DLG2: variants seen among roughly 807,000 people sequenced by gnomAD.
The protein encoded by DLG2 is disks large homolog 2.
In DLG2, 45 loss-of-function variants were observed where a neutral mutation model predicts 132.5. The ratio of observed to expected loss-of-function variants is 0.34; its 90% confidence interval spans 0.27 to 0.44. DLG2 has a LOEUF of 0.44. Among genes scored for constraint, DLG2 ranks in the 20% least tolerant of loss-of-function variants. DLG2 has a pLI of 1.00. For missense variants in DLG2, 1,045 were observed against 1,196.9 expected (o/e 0.87, Z 1.87); for synonymous variants, 424 against 419.6 (o/e 1.01, Z -0.13).
chr11:83,662,378 C>T (rs965039238), intron 18 of DLG2, among the ~76,000 whole-genome samples: 8 of 152,170 alleles, frequency 5.3e-5, no homozygotes, highest in African/African-American at 1.9e-4. Context: ...CCCAAAGACA[C>T]GACCCCCAGC....
At chr11:83,668,690 TATGTGTATATAA>T (rs2076174932) in intron 18 of DLG2, among the ~76,000 whole-genome samples, 1 of 16,590 alleles carries the variant, frequency 6.0e-5, no homozygotes, top group Non-Finnish European at 1.1e-4. Context: ...TGTGTATATA[TATGTGTATATAA>T]ACACATATAT....
At chr11:85,489,418 A>G (rs949848823) in intron 3 of DLG2, among the ~76,000 whole-genome samples, 3 of 152,172 alleles carry the variant, frequency 2.0e-5, no homozygotes, top group African/African-American at 7.2e-5. Flanking sequence ...GAAAACAAAT[A>G]TTATTAGACC....
In DLG2 at chr11:85,160,840, ATAC is replaced by A. The variant is rs1453332704; in HGVS notation, c.187-6192_187-6190del. On this transcript the variant is annotated intron_variant, in intron 4 of 27. Coordinates refer to ENST00000376104, the MANE Select transcript of DLG2 (RefSeq NM_001142699.3). The stretch of plus-strand genomic sequence containing the variant: ...GGTTCTGCACAATTATGCAGGCACC[ATAC>A]CCCTGCATACTACAGCTGCAGCACT... Among the ~76,000 whole-genome samples the A allele has an allele frequency of 1.9e-3, 287 of 152,272 alleles. 1 individual carries two copies. Among genetic ancestry groups the A allele is most frequent in the African/African-American group, 6.7e-3 (279 of 41,552 alleles).
intron 8 of DLG2, among the ~76,000 whole-genome samples, chr11:84,182,446 A>C (rs1010132205): frequency 5.9e-5 from 9 of 151,842 alleles, no homozygotes; most frequent in Non-Finnish European, 1.5e-5. Flanking sequence ...CAGGAGGATC[A>C]CGTGCCCAGG....
At position 83,459,712 on chromosome 11, in the gene DLG2, C is replaced by T; in HGVS notation, c.*106G>A. On this transcript the variant is annotated 3_prime_UTR_variant, in exon 28 of 28. Transcript: ENST00000376104. ...CATTCGTAAGAATTCACATTGACTG[C>T]AAAAACATAAATGCAACAAAAACAT... The T allele has an allele frequency of 1.5e-6, 1 of 653,870 alleles. No homozygotes were observed. The highest frequency in any genetic ancestry group is 2.7e-5 in the East Asian group (1 of 37,126). 40.5% of individuals were successfully genotyped at this position (653,870 alleles called of 1,614,324 possible). A position where few individuals can be genotyped will look rare whatever the true frequency, so the allele number is the denominator to read the frequency against.
chr11:84,171,242 C>T lies in DLG2; in HGVS notation c.574-7731G>A, dbSNP rs771505300. 3.3e-5 allele frequency among the ~76,000 whole-genome samples: 5 copies of T among 152,162 alleles called. No individual in the cohort carries two copies. In the East Asian group the frequency reaches 5.8e-4, roughly 18 times the overall value. ...TTACTCCCATCTTTTTATCATATTT[C>T]GCTATATTTTTAAAATTTGTATGAA... On this transcript the variant is annotated intron_variant, in intron 8 of 27. Transcript: ENST00000376104.
At chr11:84,391,039 C>A (rs1555544583) in intron 7 of DLG2, among the ~76,000 whole-genome samples, 1 of 152,086 alleles carries the variant, frequency 6.6e-6, no homozygotes, top group Non-Finnish European at 1.5e-5. Flanking sequence ...TTAACTGAGA[C>A]ACGTGTCCCC....
chr11:84,968,627 A>G (rs1295537180), intron 6 of DLG2, among the ~76,000 whole-genome samples: 1 of 152,234 alleles, frequency 6.6e-6, no homozygotes, highest in Non-Finnish European at 1.5e-5. Context: ...AAATTAACCA[A>G]AAATGATTTT....
chr11:84,393,034 G>T (rs901270465), intron 7 of DLG2, among the ~76,000 whole-genome samples: 5 of 152,122 alleles, frequency 3.3e-5, no homozygotes, highest in Non-Finnish European at 7.4e-5. Context: ...GTGGCATAAG[G>T]TGACATTAAA....
intron 4 of DLG2, among the ~76,000 whole-genome samples, chr11:85,160,024 C>A (rs2077903612): frequency 6.6e-6 from 1 of 152,170 alleles, no homozygotes; most frequent in African/African-American, 2.4e-5. Flanking sequence ...AGAACTTCTA[C>A]CTCAGTAAAA....
intron 6 of DLG2, among the ~76,000 whole-genome samples, chr11:85,007,617 G>A (rs1393680805): frequency 2.9e-5 from 4 of 135,730 alleles, no homozygotes; most frequent in Non-Finnish European, 6.2e-5. Context: ...AGTGAGCCGT[G>A]ATTGGCCACT....
chr11:83,456,215 G>A lies in DLG2; in HGVS notation c.*3603C>T, dbSNP rs2088945998. The A allele has an allele frequency of 6.6e-6, 1 of 152,404 alleles. No homozygotes were observed. Among genetic ancestry groups the A allele is most frequent in the Non-Finnish European group, 1.5e-5 (1 of 68,186 alleles). The allele number at this position is 152,404 out of a possible 1,614,324, so 9.4% of individuals were successfully genotyped here. On this transcript the variant is annotated 3_prime_UTR_variant, in exon 28 of 28. Transcript: ENST00000376104. Reference sequence around the variant, plus strand: ...GTGCTGGGAGTGGGCTCGCTTAGGAGCAGTGTTCAGGCAGAGGCACTCAGG... The same window carrying A: ...GTGCTGGGAGTGGGCTCGCTTAGGAACAGTGTTCAGGCAGAGGCACTCAGG...
At chr11:83,771,996 A>AT (rs561095753) in intron 18 of DLG2, among the ~76,000 whole-genome samples, 31 of 151,122 alleles carry the variant, frequency 2.1e-4, no homozygotes, top group South Asian at 1.5e-3. Flanking sequence ...ATTGTGTTCC[A>AT]TTTTTTTTTC....
chr11:85,009,045 T>C (rs767018634), intron 6 of DLG2, among the ~76,000 whole-genome samples: 4 of 151,834 alleles, frequency 2.6e-5, no homozygotes, highest in Non-Finnish European at 5.9e-5. Context: ...AGGCGGGAAA[T>C]AGGCCTGTAG....
intron 4 of DLG2, among the ~76,000 whole-genome samples, chr11:85,200,217 A>C (rs2081364110): frequency 6.6e-6 from 1 of 152,114 alleles, no homozygotes. Flanking sequence ...GAAACAGCCC[A>C]CTTGCCAAAG....
intron 3 of DLG2, among the ~76,000 whole-genome samples, chr11:85,591,169 T>C (rs1368741592): frequency 6.6e-6 from 1 of 152,202 alleles, no homozygotes; most frequent in Non-Finnish European, 1.5e-5. Context: ...CTGCCTGACA[T>C]GAAACACACA....
At chr11:84,280,968 G>A (rs1046985228) in intron 7 of DLG2, among the ~76,000 whole-genome samples, 1 of 140,402 alleles carries the variant, frequency 7.1e-6, no homozygotes, top group Non-Finnish European at 1.5e-5. Context: ...TGATCCGCCC[G>A]CCTCGGCCTC....
At chr11:85,604,311 C>A (rs778127623) in intron 2 of DLG2, among the ~76,000 whole-genome samples, 1 of 152,268 alleles carries the variant, frequency 6.6e-6, no homozygotes, top group East Asian at 1.9e-4. Context: ...ATGATCATCA[C>A]CTGGAGTCAA....
chr11:85,173,311 C>T (rs2079005500), intron 4 of DLG2, among the ~76,000 whole-genome samples: 2 of 152,236 alleles, frequency 1.3e-5, no homozygotes, highest in South Asian at 4.2e-4. Flanking sequence ...GAGATTGGGG[C>T]CAATATTCAA....
Sources: allele counts gnomAD v4.1 joint callset (sites outside exome capture counted in the v4.1 genomes callset), GRCh38; gene constraint gnomAD v4.1.1; transcripts MANE v1.5; gene names NCBI Gene and HGNC (gene_info 2026-07-23, HGNC 2026-07-21).